The following RBFOX1 variants were observed in gnomAD, a reference collection of about 807,000 sequenced individuals.
The protein encoded by RBFOX1 is RNA binding protein fox-1 homolog 1.
In RBFOX1, 8 loss-of-function variants were observed where a neutral mutation model predicts 57.7. The ratio of observed to expected loss-of-function variants is 0.14; its 90% CI spans 0.08 to 0.25. The LOEUF (loss-of-function observed/expected upper bound fraction) is 0.25, where lower values mean the gene tolerates loss of function less well. Ranked by LOEUF, RBFOX1 falls within the 10% of genes least tolerant of loss-of-function variation. The probability of loss-of-function intolerance (pLI) is 1.00; values close to 1 mark genes in which losing one functional copy is unlikely to be tolerated. For synonymous variants in RBFOX1, 326 were observed against 222.4 expected (o/e 1.47, Z -4.15); for missense variants, 611 against 548.5 (o/e 1.11, Z -1.14).
intron 3 of RBFOX1, among the ~76,000 whole-genome samples, chr16:5,675,991 A>AG: frequency 6.6e-6 from 1 of 152,174 alleles, no homozygotes; most frequent in South Asian, 2.1e-4. Context: ...ATTTAAAAAA[A>AG]GAAGGCATCG....
At chr16:6,788,507 G>C (rs1319400771) in intron 3 of RBFOX1, among the ~76,000 whole-genome samples, 2 of 151,088 alleles carry the variant, frequency 1.3e-5, no homozygotes, top group Non-Finnish European at 2.9e-5. Flanking sequence ...AGAGTCTCTT[G>C]CTCTGTCGCC....
intron 4 of RBFOX1, among the ~76,000 whole-genome samples, chr16:7,101,978 C>T (rs2062776916): frequency 6.6e-6 from 1 of 152,174 alleles, no homozygotes; most frequent in African/African-American, 2.4e-5. Context: ...AGTGCTGTAT[C>T]CATCCAGAGA....
intron 4 of RBFOX1, among the ~76,000 whole-genome samples, chr16:7,153,275 G>C (rs2076437131): frequency 1.3e-5 from 2 of 152,086 alleles, no homozygotes; most frequent in African/African-American, 4.8e-5. Context: ...GCATGGGTCA[G>C]AATCTCCTGA....
intron 2 of RBFOX1, among the ~76,000 whole-genome samples, chr16:6,630,737 A>G (rs1567958026): frequency 1.3e-5 from 2 of 152,278 alleles, no homozygotes; most frequent in South Asian, 4.2e-4. Flanking sequence ...TTAAGCTGGA[A>G]TTTATGATGA....
chr16:7,567,140 C>CATATATATCCCTATATATATATATCCAT (rs1555611714), intron 5 of RBFOX1, among the ~76,000 whole-genome samples: 733 of 57,528 alleles, frequency 0.013, 39 homozygotes, highest in Admixed American at 0.017. Context: ...TATGTATATC[C>CATATATATCCCTATATATATATATCCAT]ATATATATCC....
At chr16:5,541,213 G>A (rs2044937232) in intron 2 of RBFOX1, among the ~76,000 whole-genome samples, 1 of 152,050 alleles carries the variant, frequency 6.6e-6, no homozygotes, top group African/African-American at 2.4e-5. Flanking sequence ...AAGAAGCCCT[G>A]GAGTAGAGAA....
chr16:6,604,434 C>T (rs1368420237), intron 2 of RBFOX1, among the ~76,000 whole-genome samples: 1 of 152,058 alleles, frequency 6.6e-6, no homozygotes, highest in African/African-American at 2.4e-5. Context: ...ATCTCAGCCT[C>T]CTGAATAGCT....
At position 5,323,400 on chromosome 16, in the gene RBFOX1, G is replaced by A. The variant is rs539294998; in HGVS notation, c.219+83295G>A. 2.8e-4 allele frequency among the ~76,000 whole-genome samples: 43 copies of A among 152,238 alleles called. No homozygotes were observed. In the Middle Eastern group the frequency reaches 0.01, roughly 36 times the overall value. On this transcript the variant is annotated intron_variant, in intron 1 of 2. Coordinates refer to the RBFOX1 transcript ENST00000585867. ...ATGACCCATGAATGGGTCGTGACCC[G>A]CAGTTCGAAAAACTCTGCTGCGGTG...
At chr16:5,992,676 G>A (rs1214199691) in intron 4 of RBFOX1, among the ~76,000 whole-genome samples, 2 of 152,210 alleles carry the variant, frequency 1.3e-5, no homozygotes, top group African/African-American at 2.4e-5. Context: ...GCTCACATCT[G>A]TAATCCCAGC....
At chr16:5,776,506 G>A (rs118096022) in intron 3 of RBFOX1, among the ~76,000 whole-genome samples, 2,222 of 152,288 alleles carry the variant, frequency 0.015, 28 homozygotes, top group South Asian at 0.059. Flanking sequence ...AAGGGAAATG[G>A]TAATAATAAT....
intron 3 of RBFOX1, among the ~76,000 whole-genome samples, chr16:5,832,948 C>T (rs987399100): frequency 6.6e-6 from 1 of 152,158 alleles, no homozygotes; most frequent in Admixed American, 6.5e-5. Context: ...AAGATATTCA[C>T]CAATGGTGAT....
chr16:7,065,142 G>C (rs1471303959), intron 4 of RBFOX1, among the ~76,000 whole-genome samples: 3 of 152,194 alleles, frequency 2.0e-5, no homozygotes, highest in Admixed American at 6.5e-5. Context: ...AGACGCATTT[G>C]TAACCTTACC....
chr16:6,978,255 G>C (rs2087659915), intron 3 of RBFOX1, among the ~76,000 whole-genome samples: 1 of 152,144 alleles, frequency 6.6e-6, no homozygotes, highest in Non-Finnish European at 1.5e-5. Context: ...TGGAGAGCGT[G>C]GCTTTGTACT....
chr16:7,375,705 A>T (rs2097673625), intron 4 of RBFOX1, among the ~76,000 whole-genome samples: 1 of 152,106 alleles, frequency 6.6e-6, no homozygotes. Context: ...TTGTCCTGAG[A>T]GCACCTTGCC....
chr16:5,422,461 A>G (rs1227935559), intron 1 of RBFOX1, among the ~76,000 whole-genome samples: 6 of 95,416 alleles, frequency 6.3e-5, no homozygotes, highest in African/African-American at 1.7e-4. Flanking sequence ...CATGAGGGAG[A>G]GGGAGGGGGA....
At chr16:6,388,363 C>G (rs2092415422) in intron 2 of RBFOX1, among the ~76,000 whole-genome samples, 1 of 151,672 alleles carries the variant, frequency 6.6e-6, no homozygotes, top group South Asian at 2.1e-4. Context: ...AGGAATGAAA[C>G]TCACACTCAC....
rs2093241188 is a variant in RBFOX1, at chr16:6,405,396, T to C, written c.-64+88339T>C. ...CTTTCATATGTCCAGTGTTGGGCAT[T>C]GGGAAGTGCACCAAATAGTGCCTCA... On this transcript the variant is annotated intron_variant, in intron 2 of 15. Coordinates refer to ENST00000550418, the MANE Select transcript of RBFOX1 (RefSeq NM_018723.4). 4.6e-5 allele frequency among the ~76,000 whole-genome samples: 7 copies of C among 152,310 alleles called. No homozygotes were observed. The South Asian group carries it at 1.5e-3, about 32-fold the overall frequency.
At chr16:6,077,538 T>C (rs2076083116) in intron 1 of RBFOX1, among the ~76,000 whole-genome samples, 1 of 152,062 alleles carries the variant, frequency 6.6e-6, no homozygotes, top group African/African-American at 2.4e-5. Flanking sequence ...CCTCCTTCCT[T>C]TAAGATGATG....
chr16:5,493,195 T>C (rs1286651187), intron 2 of RBFOX1, among the ~76,000 whole-genome samples: 2 of 152,240 alleles, frequency 1.3e-5, no homozygotes, highest in African/African-American at 4.8e-5. Context: ...AGCTTTCATT[T>C]TTGCCCTGAA....
Sources: allele counts gnomAD v4.1 joint callset (sites outside exome capture counted in the v4.1 genomes callset), GRCh38; gene constraint gnomAD v4.1.1; transcripts MANE v1.5; gene names NCBI Gene and HGNC (gene_info 2026-07-23, HGNC 2026-07-21).